MARCHF4: variants seen among roughly 807,000 people sequenced by gnomAD.
MARCHF4 encodes membrane associated ring-CH-type finger 4.
A neutral mutation model predicts 43.9 loss-of-function variants in MARCHF4; 14 were observed. The observed-to-expected ratio is 0.32, with a 90% CI of 0.21 to 0.50. The LOEUF is 0.50. Ranked by LOEUF, MARCHF4 falls within the 20% of genes least tolerant of loss-of-function variation. MARCHF4 has a pLI of 0.98. For synonymous variants in MARCHF4, 226 were observed against 213.3 expected, an observed-to-expected ratio of 1.06 and a Z score of -0.52; for missense variants, 468 against 536.7, an observed-to-expected ratio of 0.87 and a Z score of 1.27.
chr2:216,325,779 C>G (rs1283327738), intron 1 of MARCHF4, among the ~76,000 whole-genome samples: 3 of 149,702 alleles, frequency 2.0e-5, no homozygotes, highest in African/African-American at 7.3e-5. Context: ...GAAACTGGAT[C>G]CCTTCCTTAC....
intron 1 of MARCHF4, among the ~76,000 whole-genome samples, chr2:216,300,125 T>C (rs987557789): frequency 2.0e-5 from 3 of 152,146 alleles, no homozygotes; most frequent in African/African-American, 7.2e-5. Context: ...ATTAACTTTG[T>C]GACCTTGGGC....
chr2:216,279,984 A>G (rs1691102558), intron 2 of MARCHF4, among the ~76,000 whole-genome samples: 1 of 152,092 alleles, frequency 6.6e-6, no homozygotes, highest in Non-Finnish European at 1.5e-5. Flanking sequence ...AATGCCAAAT[A>G]TAGAGGCCCA....
chr2:216,309,354 G>A (rs1423796399), intron 1 of MARCHF4, among the ~76,000 whole-genome samples: 1 of 152,202 alleles, frequency 6.6e-6, no homozygotes, highest in Non-Finnish European at 1.5e-5. Flanking sequence ...TACCATGGCA[G>A]CTGGTATAAC....
At chr2:216,271,791 T>C (rs1022398096) in intron 3 of MARCHF4, among the ~76,000 whole-genome samples, 1 of 151,908 alleles carries the variant, frequency 6.6e-6, no homozygotes, top group Non-Finnish European at 1.5e-5. Context: ...CCTCTGAATA[T>C]TTCTTTCTTT....
intron 1 of MARCHF4, among the ~76,000 whole-genome samples, chr2:216,289,381 C>T (rs1409354495): frequency 6.6e-6 from 1 of 152,080 alleles, no homozygotes; most frequent in Admixed American, 6.6e-5. Context: ...GAAGTTTCTC[C>T]CACATGATAC....
intron 1 of MARCHF4, among the ~76,000 whole-genome samples, chr2:216,355,431 T>C (rs1366599972): frequency 1.3e-5 from 2 of 152,222 alleles, no homozygotes; most frequent in Admixed American, 6.5e-5. Context: ...TTATAGTCAC[T>C]GGATTATTTT....
In MARCHF4 at chr2:216,287,707, G is replaced by A. The variant is rs148267684; in HGVS notation, c.517-3978C>T. On this transcript the variant is annotated intron_variant, in intron 1 of 3. Transcript: ENST00000273067. ...AATGCTAAACGACGAGTTAATGGGTGCAGTACACCAACATGGCACACGTAT... is the reference window on the plus strand; with the variant it reads ...AATGCTAAACGACGAGTTAATGGGTACAGTACACCAACATGGCACACGTAT... 1.6e-3 allele frequency among the ~76,000 whole-genome samples: 247 copies of A among 151,280 alleles called. 1 individual carries two copies. Among genetic ancestry groups the A allele is most frequent in the African/African-American group, 5.4e-3 (222 of 41,122 alleles).
intron 1 of MARCHF4, among the ~76,000 whole-genome samples, chr2:216,322,620 G>A (rs146181518): frequency 0.021 from 3,216 of 152,278 alleles, 110 homozygotes; most frequent in African/African-American, 0.073. Flanking sequence ...TCAGGAGTTC[G>A]AAACCAGCCT....
intron 1 of MARCHF4, among the ~76,000 whole-genome samples, chr2:216,330,538 A>T (rs1412821971): frequency 1.3e-5 from 2 of 152,192 alleles, no homozygotes; most frequent in Non-Finnish European, 2.9e-5. Context: ...CATACAAAAC[A>T]CTGTTCACAA....
chr2:216,271,889 C>T (rs1266418883), intron 3 of MARCHF4, among the ~76,000 whole-genome samples: 1 of 151,556 alleles, frequency 6.6e-6, no homozygotes, highest in Non-Finnish European at 1.5e-5. Flanking sequence ...CTCCTGTGCT[C>T]AAGCGATCCT....
chr2:216,301,204 C>T (rs1376127568), intron 1 of MARCHF4, among the ~76,000 whole-genome samples: 1 of 152,178 alleles, frequency 6.6e-6, no homozygotes, highest in African/African-American at 2.4e-5. Flanking sequence ...AGGGAAGCTC[C>T]AAGGGAAAGG....
intron 1 of MARCHF4, among the ~76,000 whole-genome samples, chr2:216,291,265 A>C (rs921818483): frequency 3.9e-5 from 6 of 152,162 alleles, no homozygotes; most frequent in African/African-American, 1.4e-4. Context: ...GGAGTAATGG[A>C]CCTTGTCAAG....
At chr2:216,279,870 A>G (rs561208978) in intron 2 of MARCHF4, among the ~76,000 whole-genome samples, 4 of 152,292 alleles carry the variant, frequency 2.6e-5, no homozygotes, top group African/African-American at 9.6e-5. Context: ...TGCTTTTTCC[A>G]GGGCCTGCCC....
chr2:216,342,327 A>G (rs1364559556), intron 1 of MARCHF4, among the ~76,000 whole-genome samples: 1 of 152,110 alleles, frequency 6.6e-6, no homozygotes, highest in Non-Finnish European at 1.5e-5. Flanking sequence ...TCAGTTTTCT[A>G]TGGGGTGATG....
intron 1 of MARCHF4, among the ~76,000 whole-genome samples, chr2:216,299,111 A>AT (rs60364722): frequency 2.8e-4 from 41 of 147,880 alleles, no homozygotes; most frequent in East Asian, 1.4e-3. Flanking sequence ...ACAGTCTGGG[A>AT]TTTTTTTTTT....
At chr2:216,323,148 T>C (rs367943724) in intron 1 of MARCHF4, among the ~76,000 whole-genome samples, 1 of 152,172 alleles carries the variant, frequency 6.6e-6, no homozygotes, top group East Asian at 1.9e-4. Context: ...ACTGATACCC[T>C]AGTAAGTTAT....
At chr2:216,305,554 G>A (rs1574470076) in intron 1 of MARCHF4, among the ~76,000 whole-genome samples, 1 of 152,162 alleles carries the variant, frequency 6.6e-6, no homozygotes. Context: ...GAGAACATGA[G>A]ACAAAAGAGC....
chr2:216,277,897 C>T (rs777616980), intron 2 of MARCHF4, 33 bp from the exon 3 acceptor site: 2 of 1,577,944 alleles, frequency 1.3e-6, no homozygotes, highest in South Asian at 1.1e-5. Flanking sequence ...TTAGCAGTTG[C>T]TTGGATGCCC....
At chr2:216,328,820 C>A (rs926590687) in intron 1 of MARCHF4, among the ~76,000 whole-genome samples, 2 of 151,240 alleles carry the variant, frequency 1.3e-5, no homozygotes, top group African/African-American at 4.9e-5. Flanking sequence ...GTTGTATCAC[C>A]TGAGGTCAGG....
Sources: allele counts gnomAD v4.1 joint callset (sites outside exome capture counted in the v4.1 genomes callset), GRCh38; gene constraint gnomAD v4.1.1; transcripts MANE v1.5; gene names NCBI Gene and HGNC (gene_info 2026-07-23, HGNC 2026-07-21).